The following GFOD1 variants were observed in gnomAD, a reference collection of about 807,000 sequenced individuals.
The protein encoded by GFOD1 is glucose-fructose oxidoreductase domain-containing protein 1.
Under a neutral mutation model 25.4 loss-of-function variants are expected in GFOD1, and 9 were observed. That is an observed-to-expected ratio of 0.35 (90% confidence interval 0.21 to 0.62). GFOD1 has a LOEUF of 0.62. Ranked by LOEUF, GFOD1 falls within the 20% of genes least tolerant of loss-of-function variation. GFOD1 has a pLI of 0.72. For missense variants in GFOD1, 403 were observed against 556.9 expected, an observed-to-expected ratio of 0.72 and a Z score of 2.78; for synonymous variants, 253 against 245.6, an observed-to-expected ratio of 1.03 and a Z score of -0.28.
intron 1 of GFOD1, among the ~76,000 whole-genome samples, chr6:13,402,261 T>A (rs1242492563): frequency 6.6e-6 from 1 of 152,196 alleles, no homozygotes; most frequent in African/African-American, 2.4e-5. Context: ...AGTAAAACTT[T>A]GACATCTCGG....
At chr6:13,424,064 G>A (rs1351260240) in intron 1 of GFOD1, among the ~76,000 whole-genome samples, 2 of 152,094 alleles carry the variant, frequency 1.3e-5, no homozygotes, top group Non-Finnish European at 2.9e-5. Context: ...CTCCATGTTG[G>A]TCAGGCTGGT....
intron 1 of GFOD1, among the ~76,000 whole-genome samples, chr6:13,431,936 C>A (rs1298219048): frequency 1.3e-5 from 2 of 152,170 alleles, no homozygotes; most frequent in African/African-American, 4.8e-5. Flanking sequence ...AAAAGCAATT[C>A]TCTCCACCCT....
chr6:13,465,096 T>C (rs1758356499), intron 1 of GFOD1, among the ~76,000 whole-genome samples: 2 of 152,116 alleles, frequency 1.3e-5, no homozygotes, highest in African/African-American at 4.8e-5. Flanking sequence ...TTGCAAACAA[T>C]TACTAAGCTT....
intron 1 of GFOD1, among the ~76,000 whole-genome samples, chr6:13,377,723 C>T (rs1256682161): frequency 6.6e-6 from 1 of 152,162 alleles, no homozygotes; most frequent in East Asian, 1.9e-4. Flanking sequence ...CTACCTCCCA[C>T]AGTTTCTCCA....
At chr6:13,398,439 CT>C (rs1415834380) in intron 1 of GFOD1, among the ~76,000 whole-genome samples, 1 of 152,200 alleles carries the variant, frequency 6.6e-6, no homozygotes, top group Admixed American at 6.5e-5. Flanking sequence ...TTTAGCAAAG[CT>C]CATTAAAGTA....
chr6:13,381,927 A>ATG (rs1281077150), intron 1 of GFOD1, among the ~76,000 whole-genome samples: 9 of 143,192 alleles, frequency 6.3e-5, no homozygotes, highest in South Asian at 2.1e-4. Flanking sequence ...ACACACACAC[A>ATG]CACACACACA....
In GFOD1 at chr6:13,432,215, ATTCTT is replaced by A. The variant is rs765082921; in HGVS notation, c.253+54418_253+54422del. ...CCAGATTTCTTCCTGGTTAAGTAAT[ATTCTT>A]TTCTTTTCTTTTTTTTTTTTTTTGA... is the stretch of plus-strand genomic sequence containing the variant. On this transcript the variant is annotated intron_variant, in intron 1 of 1. Transcript: ENST00000379287. 2.9e-3 allele frequency among the ~76,000 whole-genome samples: 433 copies of A among 151,552 alleles called. 3 individuals are homozygous for A. The highest frequency in any genetic ancestry group is 3.6e-3 in the Non-Finnish European group (245 of 67,906).
At chr6:13,446,219 AGC>A (rs758904008) in intron 1 of GFOD1, among the ~76,000 whole-genome samples, 34 of 152,236 alleles carry the variant, frequency 2.2e-4, no homozygotes, top group Non-Finnish European at 2.6e-4. Flanking sequence ...CTTTTGAAAT[AGC>A]CACATCATTA....
intron 1 of GFOD1, among the ~76,000 whole-genome samples, chr6:13,380,521 G>T (rs1785343189): frequency 6.6e-6 from 1 of 152,150 alleles, no homozygotes; most frequent in Non-Finnish European, 1.5e-5. Flanking sequence ...GCAGCTTAGC[G>T]AATGTCAAGT....
Position 13,358,431 on chromosome 6 carries a change from G to C in GFOD1, c.*6312C>G, listed in dbSNP as rs915254837. 6.6e-6 allele frequency: 1 copy of C among 151,966 alleles called. No homozygotes were observed. Among genetic ancestry groups the C allele is most frequent in the Non-Finnish European group, 1.5e-5 (1 of 68,018 alleles). 9.4% of individuals were successfully genotyped at this position (151,966 alleles called of 1,614,324 possible). A position where few individuals can be genotyped will look rare whatever the true frequency, so the allele number is the denominator to read the frequency against. ...AAAAACACAACAACAACAATAAAAA[G>C]CAGATGAAGTACTATAAAAGCACCA... On this transcript the variant is annotated 3_prime_UTR_variant, in exon 2 of 2. Coordinates refer to ENST00000379287, the MANE Select transcript of GFOD1 (RefSeq NM_018988.4).
intron 1 of GFOD1, among the ~76,000 whole-genome samples, chr6:13,440,264 G>A (rs1205736872): frequency 6.6e-6 from 1 of 151,964 alleles, no homozygotes; most frequent in Non-Finnish European, 1.5e-5. Context: ...ATCTCAGTTG[G>A]CTGCAACCTC....
intron 1 of GFOD1, chr6:13,469,963 A>C: frequency 7.6e-7 from 1 of 1,307,254 alleles, no homozygotes; most frequent in African/African-American, 1.5e-5. Flanking sequence ...TTCTGGATAG[A>C]TGATGAGTTC....
intron 1 of GFOD1, among the ~76,000 whole-genome samples, chr6:13,449,362 T>C (rs963585128): frequency 1.3e-5 from 2 of 152,214 alleles, no homozygotes; most frequent in African/African-American, 4.8e-5. Context: ...AGCATGACAG[T>C]GCATACTCTC....
At chr6:13,486,521 C>A in intron 1 of GFOD1, 117 bp downstream of exon 1, 2 of 830,276 alleles carry the variant, frequency 2.4e-6, no homozygotes, top group South Asian at 1.7e-5. Flanking sequence ...ATCCCCGGGG[C>A]AGCGTAGATG....
chr6:13,374,273 T>TTTTTTTTG (rs1554199406), intron 1 of GFOD1, among the ~76,000 whole-genome samples: 3 of 134,388 alleles, frequency 2.2e-5, no homozygotes, highest in African/African-American at 8.7e-5. Context: ...TGTTTTTTTT[T>TTTTTTTTG]TGTGTGTGTG....
intron 1 of GFOD1, among the ~76,000 whole-genome samples, chr6:13,426,446 A>G (rs1000435724): frequency 6.6e-6 from 1 of 152,240 alleles, no homozygotes; most frequent in African/African-American, 2.4e-5. Context: ...GAGCTGGACC[A>G]GGAACCAGAC....
intron 1 of GFOD1, among the ~76,000 whole-genome samples, chr6:13,479,008 T>C (rs1758689973): frequency 6.6e-6 from 1 of 150,660 alleles, no homozygotes; most frequent in South Asian, 2.1e-4. Context: ...AAGCACGTAC[T>C]GGATTCACAG....
chr6:13,390,617 C>T (rs1785570655), intron 1 of GFOD1, among the ~76,000 whole-genome samples: 2 of 151,016 alleles, frequency 1.3e-5, no homozygotes, highest in East Asian at 2.0e-4. Context: ...GTCCCAGTGA[C>T]TAGGGAGGCT....
At chr6:13,375,514 A>G (rs553861156) in intron 1 of GFOD1, among the ~76,000 whole-genome samples, 1 of 152,326 alleles carries the variant, frequency 6.6e-6, no homozygotes, top group African/African-American at 2.4e-5. Context: ...CCTGAAACGG[A>G]AATGGGTCAG....
Sources: allele counts gnomAD v4.1 joint callset (sites outside exome capture counted in the v4.1 genomes callset), GRCh38; gene constraint gnomAD v4.1.1; transcripts MANE v1.5; gene names NCBI Gene and HGNC (gene_info 2026-07-23, HGNC 2026-07-21).